Variants in ANKS1B observed in about 807,000 individuals in gnomAD.
ANKS1B encodes the protein ankyrin repeat and sterile alpha motif domain-containing protein 1B.
ANKS1B carries 36 observed loss-of-function variants against 148.3 expected under a neutral mutation model. The ratio of observed to expected loss-of-function variants is 0.24; its 90% CI spans 0.19 to 0.32. ANKS1B has a LOEUF of 0.32. Among genes scored for constraint, ANKS1B ranks in the 10% least tolerant of loss-of-function variants. The pLI is 1.00. For synonymous variants in ANKS1B, 542 were observed against 560.8 expected (o/e 0.97, Z 0.47); for missense variants, 1,157 against 1,542.6 (o/e 0.75, Z 4.19).
intron 14 of ANKS1B, among the ~76,000 whole-genome samples, chr12:99,237,289 C>T (rs1241380512): frequency 6.6e-6 from 1 of 151,930 alleles, no homozygotes; most frequent in Non-Finnish European, 1.5e-5. Context: ...TCATTATACC[C>T]AGCTGTATAG....
rs185745955 is a variant in ANKS1B, at chr12:99,065,058, G to A, written c.2626-11749C>T. ...GGATTTACTGCAACTAGAATAAGGC[G>A]CTGAACAATGTTCACTAGCATTCAC... On this transcript the variant is annotated intron_variant, in intron 16 of 26. Coordinates refer to ENST00000683438, the MANE Select transcript of ANKS1B (RefSeq NM_001352186.2). Among the ~76,000 whole-genome samples the A allele has an allele frequency of 2.5e-3, 385 of 152,196 alleles. 5 individuals carry two copies. In the South Asian group the frequency reaches 0.037, roughly 14 times the overall value.
chr12:99,552,359 C>G (rs1264718555), intron 9 of ANKS1B, among the ~76,000 whole-genome samples: 1 of 152,110 alleles, frequency 6.6e-6, no homozygotes, highest in African/African-American at 2.4e-5. Flanking sequence ...GCTTAATGAC[C>G]AAACTGAAGT....
intron 8 of ANKS1B, among the ~76,000 whole-genome samples, chr12:99,695,962 A>T (rs1235971182): frequency 6.6e-6 from 1 of 152,184 alleles, no homozygotes; most frequent in East Asian, 1.9e-4. Context: ...GAAGGGGAGC[A>T]AGCATTTAAA....
chr12:99,669,829 AC>A (rs2098528042), intron 8 of ANKS1B, among the ~76,000 whole-genome samples: 2 of 152,206 alleles, frequency 1.3e-5, no homozygotes, highest in South Asian at 4.1e-4. Context: ...TAGTTTCTGT[AC>A]TTTCAACTCA....
Position 98,751,780 on chromosome 12 carries a change from A to G in ANKS1B, c.3580-258T>C, listed in dbSNP as rs1309794656. Reference sequence around the variant, plus strand: ...AGACAAACGAAAAAGTCAGCTGGGAACTGTGTTGGGCAAACCTGCCTTGCA... The same window carrying G: ...AGACAAACGAAAAAGTCAGCTGGGAGCTGTGTTGGGCAAACCTGCCTTGCA... On this transcript the variant is annotated intron_variant, in intron 25 of 26. Coordinates refer to ENST00000683438, the MANE Select transcript of ANKS1B (RefSeq NM_001352186.2). The surrounding 1 kb of genome is among the most constrained non-coding windows in gnomAD (Gnocchi z 4.3). Among the ~76,000 whole-genome samples the G allele has an allele frequency of 2.0e-5, 3 of 152,198 alleles. No individual in the cohort carries two copies. Among genetic ancestry groups the G allele is most frequent in the Non-Finnish European group, 4.4e-5 (3 of 68,024 alleles).
chr12:99,505,756 G>T (rs546443574), intron 9 of ANKS1B, among the ~76,000 whole-genome samples: 1 of 151,576 alleles, frequency 6.6e-6, no homozygotes, highest in African/African-American at 2.4e-5. Context: ...TCTGCATGAT[G>T]AAATTCACAA....
chr12:99,258,609 T>TA (rs1566753349), intron 12 of ANKS1B, among the ~76,000 whole-genome samples: 2 of 59,626 alleles, frequency 3.4e-5, no homozygotes, highest in African/African-American at 1.5e-4. Context: ...ATTATCCACT[T>TA]GTTTTTTTTT....
chr12:99,872,959 T>C (rs2091693919), intron 1 of ANKS1B, among the ~76,000 whole-genome samples: 1 of 152,168 alleles, frequency 6.6e-6, no homozygotes, highest in African/African-American at 2.4e-5. Context: ...CTATGTTCTT[T>C]GTTAATCAGT....
chr12:99,202,119 T>C (rs1220073811), intron 14 of ANKS1B, among the ~76,000 whole-genome samples: 1 of 152,250 alleles, frequency 6.6e-6, no homozygotes, highest in Non-Finnish European at 1.5e-5. Context: ...AGCATATGTC[T>C]TCACACTATG....
At chr12:99,677,266 C>A (rs976454146) in intron 8 of ANKS1B, among the ~76,000 whole-genome samples, 2 of 152,170 alleles carry the variant, frequency 1.3e-5, no homozygotes, top group Non-Finnish European at 2.9e-5. Flanking sequence ...GAGGGCCATG[C>A]ACCATTACAA....
At chr12:99,078,136 C>T (rs1425651409) in intron 16 of ANKS1B, among the ~76,000 whole-genome samples, 3 of 152,190 alleles carry the variant, frequency 2.0e-5, no homozygotes, top group Non-Finnish European at 2.9e-5. Context: ...TCTGCCCACA[C>T]CATTTTGAGG....
At chr12:98,735,938 T>C (rs1195751608) in intron 9 of ANKS1B, among the ~76,000 whole-genome samples, 1 of 152,196 alleles carries the variant, frequency 6.6e-6, no homozygotes, top group Non-Finnish European at 1.5e-5. Flanking sequence ...AAGTGAGCTA[T>C]GCATCTGTCG....
intron 8 of ANKS1B, among the ~76,000 whole-genome samples, chr12:99,706,942 A>T (rs2055880823): frequency 6.6e-6 from 1 of 152,098 alleles, no homozygotes; most frequent in South Asian, 2.1e-4. Context: ...GCCACAGACG[A>T]GGTCCCATTC....
intron 14 of ANKS1B, among the ~76,000 whole-genome samples, chr12:99,163,044 C>T (rs993396427): frequency 5.4e-5 from 8 of 148,824 alleles, no homozygotes; most frequent in South Asian, 2.1e-4. Flanking sequence ...GGCGACAGAG[C>T]GAGACTCTGT....
At chr12:99,467,905 C>T (rs1206756948) in intron 10 of ANKS1B, among the ~76,000 whole-genome samples, 1 of 152,138 alleles carries the variant, frequency 6.6e-6, no homozygotes, top group Non-Finnish European at 1.5e-5. Context: ...ATCAAGCTAC[C>T]AATGACTTTC....
chr12:99,100,554 G>C (rs557083295), intron 15 of ANKS1B, among the ~76,000 whole-genome samples: 37 of 152,340 alleles, frequency 2.4e-4, no homozygotes, highest in Non-Finnish European at 2.9e-5. Flanking sequence ...TTTTGAGACA[G>C]AGTCTTGCTA....
rs970448149 is a variant in ANKS1B, at chr12:99,149,435, G to A, written c.2526+4854C>T. Among the ~76,000 whole-genome samples the A allele has an allele frequency of 4.6e-5, 7 of 152,210 alleles. No individual in the cohort carries two copies. In the East Asian group the frequency reaches 9.7e-4, roughly 21 times the overall value. On this transcript the variant is annotated intron_variant, in intron 15 of 26. Transcript: ENST00000683438. Reference sequence around the variant, plus strand: ...CCCTTTATGAATGCTATCCACCCAAGTGTATGAAAATGCCAATTCATGTAG... The same window carrying A: ...CCCTTTATGAATGCTATCCACCCAAATGTATGAAAATGCCAATTCATGTAG...
intron 17 of ANKS1B, 98 bp downstream of exon 17, chr12:99,053,059 A>T (rs2099967315): frequency 1.8e-6 from 2 of 1,114,842 alleles, no homozygotes; most frequent in Admixed American, 6.5e-5. Context: ...GCATATCTAT[A>T]AATCCCCATT....
chr12:99,070,085 G>A lies in ANKS1B; in HGVS notation c.2625+14840C>T, dbSNP rs751248456. On this transcript the variant is annotated intron_variant, in intron 16 of 26. Transcript: ENST00000683438. ...AAGTACTTAGAATAGTGCCTGGCAC[G>A]TAGGCAATTTTCTATTTAAGTGATT... Among the ~76,000 whole-genome samples, 5 of 152,298 alleles carry A rather than the reference G, an allele frequency of 3.3e-5. No individual in the cohort carries two copies. In the East Asian group the frequency reaches 5.8e-4, roughly 18 times the overall value.
Sources: allele counts gnomAD v4.1 joint callset (sites outside exome capture counted in the v4.1 genomes callset), GRCh38; gene constraint gnomAD v4.1.1; non-coding constraint Gnocchi (gnomAD v3.1); transcripts MANE v1.5; gene names NCBI Gene and HGNC (gene_info 2026-07-23, HGNC 2026-07-21).